The following MACROD1 variants were observed in gnomAD, a reference collection of about 807,000 sequenced individuals.
The protein encoded by MACROD1 is mono-ADP ribosylhydrolase 1, also known as ADP-ribose glycohydrolase MACROD1.
A neutral mutation model predicts 41.4 loss-of-function variants in MACROD1; 31 were observed. The ratio of observed to expected loss-of-function variants is 0.75; its 90% confidence interval spans 0.56 to 1.01. The LOEUF (loss-of-function observed/expected upper bound fraction) is 1.01. MACROD1 is among the 50% of genes least tolerant of loss of function. The probability of loss-of-function intolerance (pLI) is 0.00; values close to 1 mark genes in which losing one functional copy is unlikely to be tolerated. For missense variants in MACROD1, 473 were observed against 460.0 expected (o/e 1.03, Z -0.26); for synonymous variants, 252 against 203.4 (o/e 1.24, Z -2.03).
At chr11:64,101,821 G>A (rs1325688800) in intron 3 of MACROD1, among the ~76,000 whole-genome samples, 5 of 152,046 alleles carry the variant, frequency 3.3e-5, no homozygotes, top group Non-Finnish European at 5.9e-5. Flanking sequence ...TCGATGTCCC[G>A]TGGGGCTTGC....
chr11:64,078,539 T>C (rs1312567225), intron 3 of MACROD1, among the ~76,000 whole-genome samples: 4 of 152,142 alleles, frequency 2.6e-5, no homozygotes, highest in Non-Finnish European at 5.9e-5. Context: ...GGAGGGGAGC[T>C]GTCTGGGTGG....
rs12283553 is a variant in MACROD1, at chr11:64,054,914, G to A, written c.518-39633C>T. On this transcript the variant is annotated intron_variant, in intron 3 of 10. Transcript: ENST00000255681. ...CACTACTCTTTCTGTCTTGGTGACC[G>A]CCCTCTTTCTCCCCTGCTCTTCACC... is the stretch of plus-strand genomic sequence containing the variant. Among the ~76,000 whole-genome samples the A allele has an allele frequency of 9.8e-3, 1,490 of 152,022 alleles. 27 individuals carry two copies. Among genetic ancestry groups the A allele is most frequent in the African/African-American group, 0.034 (1,403 of 41,448 alleles).
chr11:64,015,354 G>C, intron 3 of MACROD1, 73 bp from the exon 4 acceptor site: 2 of 1,440,550 alleles, frequency 1.4e-6, no homozygotes, highest in Non-Finnish European at 9.5e-7. Context: ...TGAGGGGAGG[G>C]TGATGTCAAG....
chr11:64,117,620 C>T, intron 3 of MACROD1: 1 of 1,613,802 alleles, frequency 6.2e-7, no homozygotes, highest in Non-Finnish European at 8.5e-7. Flanking sequence ...CAGACTCCAT[C>T]CGCATCACGT....
chr11:64,053,088 C>G (rs564924746), intron 3 of MACROD1, among the ~76,000 whole-genome samples: 1 of 152,210 alleles, frequency 6.6e-6, no homozygotes, highest in African/African-American at 2.4e-5. Context: ...CCCTCCAGCA[C>G]GCTGGGCCTG....
rs1367096003 is a variant in MACROD1, at chr11:64,000,993, C to A, written c.548-650G>T. The A allele has an allele frequency of 1.6e-5, 3 of 188,568 alleles. No individual in the cohort carries two copies. The Admixed American group carries it at 1.6e-4, about 10-fold the overall frequency. The allele number at this position is 188,568 out of a possible 1,614,324, so 11.7% of individuals were successfully genotyped here. A position where few individuals can be genotyped will look rare whatever the true frequency, so the allele number is the denominator to read the frequency against. ...GCCCGAGTCTCCTGGCGCGCAAACCCCAGCTGGTTAATGAACCGCCTCGTT... is the reference window on the plus strand; with the variant it reads ...GCCCGAGTCTCCTGGCGCGCAAACCACAGCTGGTTAATGAACCGCCTCGTT... On this transcript the variant is annotated intron_variant, in intron 4 of 10. Transcript: ENST00000255681.
At chr11:64,085,384 G>A (rs1408985487) in intron 3 of MACROD1, among the ~76,000 whole-genome samples, 2 of 152,220 alleles carry the variant, frequency 1.3e-5, no homozygotes, top group Non-Finnish European at 1.5e-5. Context: ...CTCTGGGGGC[G>A]GCGGGCTGCC....
intron 3 of MACROD1, among the ~76,000 whole-genome samples, chr11:64,139,249 C>T (rs1282048786): frequency 6.6e-6 from 1 of 152,332 alleles, no homozygotes; most frequent in East Asian, 1.9e-4. Context: ...CCTGCATCCT[C>T]CCGTCCTCCC....
chr11:64,120,499 C>A lies in MACROD1; in HGVS notation c.517+30740G>T, dbSNP rs1945080152. Among the ~76,000 whole-genome samples the A allele has an allele frequency of 1.3e-5, 2 of 152,098 alleles. No individual in the cohort carries two copies. Among genetic ancestry groups the A allele is most frequent in the Non-Finnish European group, 1.5e-5 (1 of 68,026 alleles). On this transcript the variant is annotated intron_variant, in intron 3 of 10. Coordinates refer to ENST00000255681, the MANE Select transcript of MACROD1 (RefSeq NM_014067.4). This position sits in a 1 kb window ranked among gnomAD's most constrained non-coding sequence, Gnocchi z 4.5. ...GTCAGGAGTTTGAGACCAGCCTGGC[C>A]AACATGGTGAAAGTCCGTCTCTCTA... is the stretch of plus-strand genomic sequence containing the variant.
intron 3 of MACROD1, among the ~76,000 whole-genome samples, chr11:64,046,056 CCT>C (rs1464808431): frequency 6.6e-6 from 1 of 151,972 alleles, no homozygotes; most frequent in Non-Finnish European, 1.5e-5. Context: ...GTTATTATTC[CCT>C]TTTTACACAT....
intron 3 of MACROD1, among the ~76,000 whole-genome samples, chr11:64,041,869 C>T (rs1260858903): frequency 6.6e-6 from 1 of 152,190 alleles, no homozygotes; most frequent in Non-Finnish European, 1.5e-5. Flanking sequence ...GGAGTTTCAC[C>T]TCAAGGCTGA....
At chr11:64,140,516 G>A (rs1945397524) in intron 3 of MACROD1, among the ~76,000 whole-genome samples, 1 of 152,218 alleles carries the variant, frequency 6.6e-6, no homozygotes, top group Non-Finnish European at 1.5e-5. Flanking sequence ...GCCCCACCAA[G>A]GGCTGGGTGC....
chr11:64,101,082 C>T (rs1477713520), intron 3 of MACROD1, among the ~76,000 whole-genome samples: 2 of 152,012 alleles, frequency 1.3e-5, no homozygotes, highest in African/African-American at 2.4e-5. Flanking sequence ...TTTCATGCTC[C>T]GTTGTTGCTG....
intron 3 of MACROD1, among the ~76,000 whole-genome samples, chr11:64,019,276 C>T (rs966933949): frequency 7.2e-5 from 11 of 152,198 alleles, no homozygotes; most frequent in East Asian, 1.9e-4. Flanking sequence ...GCTCTGAGCC[C>T]GGTGCTGCGC....
At chr11:64,152,435 C>T (rs749782235) in intron 1 of MACROD1, 42 bp from the exon 2 acceptor site, 18 of 1,506,602 alleles carry the variant, frequency 1.2e-5, no homozygotes, top group Middle Eastern at 3.6e-4. Flanking sequence ...GGCAGAGGAA[C>T]GGGCCTGGGG....
chr11:64,038,056 C>T (rs1475250724), intron 3 of MACROD1, among the ~76,000 whole-genome samples: 3 of 152,176 alleles, frequency 2.0e-5, no homozygotes, highest in African/African-American at 4.8e-5. Context: ...TGTCACTGGA[C>T]TTCATCCTCA....
At chr11:64,144,102 C>T (rs1019678646) in intron 3 of MACROD1, among the ~76,000 whole-genome samples, 3 of 151,670 alleles carry the variant, frequency 2.0e-5, no homozygotes, top group Non-Finnish European at 4.4e-5. Flanking sequence ...ACTCAGGCCC[C>T]GGCCGTGGCT....
intron 3 of MACROD1, among the ~76,000 whole-genome samples, chr11:64,135,215 G>A (rs770495614): frequency 2.0e-5 from 3 of 152,188 alleles, no homozygotes; most frequent in Non-Finnish European, 4.4e-5. Flanking sequence ...AATGACTCTC[G>A]CCATCCCAGG....
intron 2 of MACROD1, among the ~76,000 whole-genome samples, chr11:64,152,062 G>A (rs1945587688): frequency 6.6e-6 from 1 of 152,220 alleles, no homozygotes; most frequent in African/African-American, 2.4e-5. Context: ...CCGGGAGGTG[G>A]AGGTTGCAGT....
Sources: gnomAD v4.1 joint callset for allele counts (sites outside exome capture counted in the v4.1 genomes callset) on GRCh38, gnomAD v4.1.1 for gene constraint, Gnocchi (gnomAD v3.1) non-coding constraint, MANE v1.5 for transcripts, NCBI Gene and HGNC (gene_info 2026-07-23, HGNC 2026-07-21) for gene names.